The following SLC9A9 variants were observed in gnomAD, a reference collection of about 807,000 sequenced individuals.
SLC9A9 encodes the protein solute carrier family 9 member A9, also known as sodium/hydrogen exchanger 9.
Under a neutral mutation model 77.8 loss-of-function variants are expected in SLC9A9, and 62 were observed. The ratio of observed to expected loss-of-function variants is 0.80; its 90% CI spans 0.65 to 0.98. The LOEUF (loss-of-function observed/expected upper bound fraction) is 0.98, where lower values mean the gene tolerates loss of function less well. Ranked by LOEUF, SLC9A9 falls within the 50% of genes least tolerant of loss-of-function variation. SLC9A9 has a pLI of 0.00. For synonymous variants in SLC9A9, 320 were observed against 283.5 expected (o/e 1.13, Z -1.29); for missense variants, 775 against 774.9 (o/e 1.00, Z 0.00).
intron 12 of SLC9A9, among the ~76,000 whole-genome samples, chr3:143,402,859 T>C (rs988642813): frequency 7.1e-6 from 1 of 140,042 alleles, no homozygotes. Flanking sequence ...TTGGATTTAC[T>C]TCTTCCATTT....
intron 14 of SLC9A9, among the ~76,000 whole-genome samples, chr3:143,322,093 T>C (rs2031441162): frequency 6.6e-6 from 1 of 152,240 alleles, no homozygotes; most frequent in African/African-American, 2.4e-5. Context: ...TGCTCTCATC[T>C]CTTTTTTCTT....
chr3:143,346,255 G>T (rs1388807504), intron 14 of SLC9A9, among the ~76,000 whole-genome samples: 2 of 152,008 alleles, frequency 1.3e-5, no homozygotes, highest in Non-Finnish European at 2.9e-5. Flanking sequence ...TCTATAAAAA[G>T]AACTGTAGTC....
chr3:143,366,788 G>A (rs1366922937), intron 13 of SLC9A9, among the ~76,000 whole-genome samples: 1 of 152,146 alleles, frequency 6.6e-6, no homozygotes, highest in Admixed American at 6.6e-5. Flanking sequence ...AGAATACTGA[G>A]GCCCCTAAGC....
At chr3:143,735,927 T>G (rs1350894594) in intron 4 of SLC9A9, among the ~76,000 whole-genome samples, 1 of 152,244 alleles carries the variant, frequency 6.6e-6, no homozygotes, top group African/African-American at 2.4e-5. Flanking sequence ...TTTCAGATTT[T>G]TTTTCCAGCT....
Position 143,578,593 on chromosome 3 carries a change from T to C in SLC9A9, c.886A>G (p.Thr296Ala). 1.2e-6 allele frequency: 2 copies of C among 1,613,952 alleles called. No homozygotes were observed. The highest frequency in any genetic ancestry group is 1.3e-5 in the African/African-American group (1 of 75,028). The change falls in exon 7 of 16, where the codon ACA becomes GCA. Residue 296 changes from threonine (T) to alanine (A), a missense_variant. By Grantham distance (58) the Thr-to-Ala change is moderately conservative (BLOSUM62 0). Coordinates refer to ENST00000316549, the MANE Select transcript of SLC9A9 (RefSeq NM_173653.4). ...ATACAGACAAAGGATATCAGTGCTGTGATGATGGCATACGCAGACCCCATT... is the reference window on the plus strand; with the variant it reads ...ATACAGACAAAGGATATCAGTGCTGCGATGATGGCATACGCAGACCCCATT... ...FAMGSAYAII[T>A]ALLTKFTKLC... is the part of the protein sequence containing the mutation.
rs767428360 is a variant in SLC9A9 at position 143,832,074 on chromosome 3, C to G, written c.323G>C (p.Arg108Thr). The change falls in exon 2 of 16, where the codon AGA becomes ACA. Residue 108 changes from arginine to threonine, a missense_variant. Physicochemically the swap from Arg to Thr is moderately conservative, Grantham distance 71. Coordinates refer to ENST00000316549, the MANE Select transcript of SLC9A9 (RefSeq NM_173653.4). ...ATTGATGTTGTGCTGACTTATTTCTCTTTTGTATTTATATTCATAAACTTG... is the reference window on the plus strand; with the variant it reads ...ATTGATGTTGTGCTGACTTATTTCTGTTTTGTATTTATATTCATAAACTTG... ...TDQVYEYKYK[R>T]EISQHNINPH... 5 of 1,613,024 alleles carry G rather than the reference C, an allele frequency of 3.1e-6. No homozygotes were observed. The highest frequency in any genetic ancestry group is 1.3e-5 in the African/African-American group (1 of 74,972).
intron 2 of SLC9A9, among the ~76,000 whole-genome samples, chr3:143,798,412 A>C (rs967770331): frequency 6.6e-6 from 1 of 152,014 alleles, no homozygotes; most frequent in African/African-American, 2.4e-5. Context: ...TGGCAAGTCA[A>C]TTGCGGGGAC....
At chr3:143,429,314 T>C (rs1470006048) in intron 12 of SLC9A9, among the ~76,000 whole-genome samples, 4 of 152,148 alleles carry the variant, frequency 2.6e-5, no homozygotes, top group African/African-American at 9.7e-5. Context: ...CTGAATCAAA[T>C]GGTAACTCAG....
At chr3:143,287,457 A>C (rs547797970) in intron 14 of SLC9A9, among the ~76,000 whole-genome samples, 2 of 152,260 alleles carry the variant, frequency 1.3e-5, no homozygotes, top group African/African-American at 4.8e-5. Context: ...TCTCCATTCC[A>C]CTGCTTGCCT....
intron 14 of SLC9A9, among the ~76,000 whole-genome samples, chr3:143,280,871 T>G (rs1327782335): frequency 6.6e-6 from 1 of 152,162 alleles, no homozygotes; most frequent in African/African-American, 2.4e-5. Flanking sequence ...ATTTTACAAT[T>G]GTTACTTAGT....
intron 6 of SLC9A9, chr3:143,627,587 A>G (rs967602348): frequency 2.2e-5 from 7 of 324,906 alleles, no homozygotes; most frequent in Non-Finnish European, 3.6e-5. Context: ...TTTCTGGCAG[A>G]CCTCTCACTA....
intron 14 of SLC9A9, among the ~76,000 whole-genome samples, chr3:143,314,803 G>A (rs541625224): frequency 4.3e-4 from 66 of 152,294 alleles, no homozygotes; most frequent in Non-Finnish European, 9.1e-4. Flanking sequence ...AAATATCACC[G>A]GAGACAGAGG....
At chr3:143,412,384 A>AC (rs1231298201) in intron 12 of SLC9A9, among the ~76,000 whole-genome samples, 1 of 151,922 alleles carries the variant, frequency 6.6e-6, no homozygotes, top group Non-Finnish European at 1.5e-5. Flanking sequence ...AGGCGTGATG[A>AC]CCCCAACACC....
chr3:143,622,664 C>T (rs2038239788), intron 6 of SLC9A9, among the ~76,000 whole-genome samples: 1 of 152,118 alleles, frequency 6.6e-6, no homozygotes, highest in African/African-American at 2.4e-5. Context: ...CAAAAACATG[C>T]CAAATTGTAA....
chr3:143,840,564 G>A (rs528710649), intron 1 of SLC9A9, among the ~76,000 whole-genome samples: 1 of 152,256 alleles, frequency 6.6e-6, no homozygotes, highest in African/African-American at 2.4e-5. Context: ...TTTCCAGGTA[G>A]GCTTGGAATA....
chr3:143,561,804 G>A, intron 8 of SLC9A9, among the ~76,000 whole-genome samples: 1 of 152,172 alleles, frequency 6.6e-6, no homozygotes, highest in East Asian at 1.9e-4. Context: ...AAGAAGACAA[G>A]AAGGAATAAC....
intron 5 of SLC9A9, among the ~76,000 whole-genome samples, chr3:143,657,271 A>G (rs1364460079): frequency 6.6e-6 from 1 of 152,230 alleles, no homozygotes; most frequent in Non-Finnish European, 1.5e-5. Context: ...TCTAAATTTT[A>G]AGTTACACAA....
intron 9 of SLC9A9, among the ~76,000 whole-genome samples, chr3:143,519,714 T>C (rs776044723): frequency 1.8e-4 from 27 of 152,020 alleles, no homozygotes; most frequent in Non-Finnish European, 3.1e-4. Context: ...TGGACCAGCG[T>C]GGGGGCAATG....
chr3:143,618,859 C>T (rs1381920543), intron 6 of SLC9A9, among the ~76,000 whole-genome samples: 2 of 152,158 alleles, frequency 1.3e-5, no homozygotes, highest in Non-Finnish European at 2.9e-5. Context: ...TTCCTATCTA[C>T]TTGGCCTAGT....
Sources: gnomAD v4.1 joint callset for allele counts (sites outside exome capture counted in the v4.1 genomes callset) on GRCh38, gnomAD v4.1.1 for gene constraint, MANE v1.5 for transcripts, NCBI Gene and HGNC (gene_info 2026-07-23, HGNC 2026-07-21) for gene names.